Variants in SLC49A3 observed in about 807,000 individuals in gnomAD.
SLC49A3 encodes solute carrier family 49 member A3.
A neutral mutation model predicts 43.8 loss-of-function variants in SLC49A3; 50 were observed. That is an observed-to-expected ratio of 1.14 (90% confidence interval 0.91 to 1.45). The LOEUF is 1.45. Among genes scored for constraint, SLC49A3 ranks in the 40% most tolerant of loss-of-function variants. The pLI, the probability that SLC49A3 is intolerant of heterozygous loss-of-function variation, is 0.00. For synonymous variants in SLC49A3, 413 were observed against 352.0 expected, an observed-to-expected ratio of 1.17 and a Z score of -1.94; for missense variants, 906 against 774.1, an observed-to-expected ratio of 1.17 and a Z score of -2.02.
In SLC49A3 at chr4:682,277, T is replaced by A; in HGVS notation, c.1361A>T (p.Glu454Val). 7.4e-7 allele frequency: 1 copy of A among 1,353,152 alleles called. No individual in the cohort carries two copies. Among genetic ancestry groups the A allele is most frequent in the South Asian group, 2.0e-5 (1 of 49,324 alleles). The allele number at this position is 1,353,152 out of a possible 1,614,324, so 83.8% of individuals were successfully genotyped here. A position where few individuals can be genotyped will look rare whatever the true frequency, so the allele number is the denominator to read the frequency against. ...PYRRLQAESGEPPSTRNAVGG... is the reference protein window; with the variant it reads ...PYRRLQAESGVPPSTRNAVGG... Reference sequence around the variant, plus strand: ...CACGGCGTTACGGGTGGAGGGGGGCTCCCCAGACTCGGCCTGCAGGCGCCG... The same window carrying A: ...CACGGCGTTACGGGTGGAGGGGGGCACCCCAGACTCGGCCTGCAGGCGCCG... The change falls in exon 10 of 10, where the codon GAG becomes GTG. Residue 454 changes from glutamate (E) to valine (V), a missense_variant. By Grantham distance (121) the Glu-to-Val change is moderately radical. Transcript: ENST00000322224.
At position 689,019 on chromosome 4, in the gene SLC49A3, T is replaced by C; in HGVS notation, c.109A>G (p.Ser37Gly). 1 of 1,595,206 alleles carries C rather than the reference T, an allele frequency of 6.3e-7. No homozygotes were observed. Among genetic ancestry groups the C allele is most frequent in the Non-Finnish European group, 8.5e-7 (1 of 1,172,862 alleles). The change falls in exon 1 of 10, where the codon AGC (serine) becomes GGC (glycine). Residue 37 changes from serine (S) to glycine (G), a missense_variant. Coordinates refer to ENST00000322224, the MANE Select transcript of SLC49A3 (RefSeq NM_032219.4). ...ARRWVFLLAI[S>G]LLNCSNATLW... ...GTGGCGTTGGAGCAGTTGAGCAGGC[T>C]GATCGCGAGCAGGAACACCCAGCGG...
At chr4:680,772 ACCAGCG>A (rs1159360215), downstream of SLC49A3, 1 of 675,148 alleles carries the variant, frequency 1.5e-6, no homozygotes, top group Admixed American at 2.9e-5. Flanking sequence ...TCACACAGGG[ACCAGCG>A]CCTGTGCCCG....
At chr4:678,635 C>T (rs749472109), downstream of SLC49A3, 3 of 1,590,168 alleles carry the variant, frequency 1.9e-6, no homozygotes, top group Middle Eastern at 1.7e-4. Flanking sequence ...CCAGGACCCT[C>T]AGCCATGGTG....
At position 682,892 on chromosome 4, in the gene SLC49A3, T is replaced by C; in HGVS notation, c.1152-2A>G. On this transcript the variant is annotated splice_acceptor_variant, in intron 8 of 9. Transcript: ENST00000322224. LOFTEE classifies it high-confidence loss of function. The stretch of plus-strand genomic sequence containing the variant: ...ATGATGAGTATTCCCTCGGCCTGCC[T>C]GGACACACGTGGCCCTCAGCCCCCG... 6.3e-7 allele frequency: 1 copy of C among 1,582,676 alleles called. No homozygotes were observed. The highest frequency in any genetic ancestry group is 8.6e-7 in the Non-Finnish European group (1 of 1,160,926).
downstream of SLC49A3, chr4:680,965 A>G: frequency 9.2e-7 from 1 of 1,089,610 alleles, no homozygotes; most frequent in Non-Finnish European, 1.3e-6. Flanking sequence ...CCAGGGCCAC[A>G]CTCCAGCGGG....
At position 683,562 on chromosome 4, in the gene SLC49A3, C is replaced by T. The variant is rs760872289; in HGVS notation, c.993+47G>A. On this transcript the variant is annotated intron_variant, in intron 7 of 9. Coordinates refer to ENST00000322224, the MANE Select transcript of SLC49A3 (RefSeq NM_032219.4). ...GCCAACCGCCCTCTCCGGGCCTCAC[C>T]ACCCACCCACCCCCACAGGGCAGTC... 1.1e-5 allele frequency: 17 copies of T among 1,570,088 alleles called. No homozygotes were observed. In the Admixed American group the frequency reaches 2.5e-4, roughly 23 times the overall value.
At chr4:683,077 G>A (rs1229917289) in intron 8 of SLC49A3, 133 bp downstream of exon 8, 8 of 1,271,214 alleles carry the variant, frequency 6.3e-6, no homozygotes, top group African/African-American at 3.0e-5. Flanking sequence ...GAACCTGCTC[G>A]GCCCTTGCCA....
Position 682,073 on chromosome 4 carries a change from G to A in SLC49A3, c.1565C>T (p.Ala522Val). Residue 522 changes from alanine to valine, a missense_variant, in exon 10 of 10, where the codon GCA becomes GTA. Physicochemically the swap from Ala to Val is moderately conservative, Grantham distance 64. Coordinates refer to ENST00000322224, the MANE Select transcript of SLC49A3 (RefSeq NM_032219.4). Reference sequence around the variant, plus strand: ...GGGGCGGGAGGGCGCGTCGGTGGCTGCTGGGCCTTGCGCACGGGGAGTCGC... The same window carrying A: ...GGGGCGGGAGGGCGCGTCGGTGGCTACTGGGCCTTGCGCACGGGGAGTCGC... ...HRATPRAQGP[A>V]ATDAPSRPGR... The A allele has an allele frequency of 7.1e-7, 1 of 1,406,396 alleles. No homozygotes were observed. The highest frequency in any genetic ancestry group is 1.6e-5 in the South Asian group (1 of 62,470). 87.1% of individuals were successfully genotyped at this position (1,406,396 alleles called of 1,614,324 possible).
chr4:682,660 GGT>G, intron 9 of SLC49A3, 119 bp downstream of exon 9: 1 of 764,406 alleles, frequency 1.3e-6, no homozygotes, highest in East Asian at 3.0e-5. Flanking sequence ...CTCCCTGCGT[GGT>G]GCTCACCTGT....
At chr4:684,696 C>G in intron 5 of SLC49A3, 23 bp downstream of exon 5, 1 of 1,607,136 alleles carries the variant, frequency 6.2e-7, no homozygotes, top group Non-Finnish European at 8.5e-7. Flanking sequence ...TCCACCCTAC[C>G]CCGGGGATCC....
intron 2 of SLC49A3, 43 bp from the exon 3 acceptor site, chr4:686,345 C>T (rs757135396): frequency 1.9e-6 from 3 of 1,601,208 alleles, no homozygotes; most frequent in Non-Finnish European, 2.6e-6. Flanking sequence ...ACGCTGCCAC[C>T]AGCCCAAGTG....
intron 7 of SLC49A3, 65 bp downstream of exon 7, chr4:683,544 G>T (rs1022547824): frequency 6.5e-7 from 1 of 1,546,004 alleles, no homozygotes; most frequent in African/African-American, 1.4e-5. Flanking sequence ...GCCGCCAACC[G>T]CCCTCTCCGG....
At chr4:683,555 G>T (rs1457551422) in intron 7 of SLC49A3, 54 bp downstream of exon 7, 1 of 1,568,414 alleles carries the variant, frequency 6.4e-7, no homozygotes, top group East Asian at 2.2e-5. Flanking sequence ...CCCTCTCCGG[G>T]CCTCACCACC....
At chr4:683,477 G>A in intron 7 of SLC49A3, 110 bp from the exon 8 acceptor site, 2 of 1,499,560 alleles carry the variant, frequency 1.3e-6, no homozygotes, top group Non-Finnish European at 1.8e-6. Context: ...CCACCCCGGG[G>A]CCACCCTGGC....
downstream of SLC49A3, among the ~76,000 whole-genome samples, chr4:681,502 G>T (rs1739531788): frequency 8.0e-6 from 1 of 124,374 alleles, no homozygotes; most frequent in African/African-American, 3.1e-5. Flanking sequence ...CACCCCTCAG[G>T]ACCCCCGCAC....
rs562247746 is a variant in SLC49A3, at chr4:685,643, T to C, written c.585+192A>G. ...ATTGCTTAAACCCAGTAGGCGGAGG[T>C]TGCAGTGAGCCGAGATCGCGCCACT... is the stretch of plus-strand genomic sequence containing the variant. On this transcript the variant is annotated intron_variant, in intron 4 of 9. Coordinates refer to ENST00000322224, the MANE Select transcript of SLC49A3 (RefSeq NM_032219.4). This position sits in a 1 kb window ranked among gnomAD's most constrained non-coding sequence, Gnocchi z 4.3. Among the ~76,000 whole-genome samples the C allele has an allele frequency of 1.5e-4, 22 of 148,924 alleles. No individual in the cohort carries two copies. The South Asian group carries it at 4.5e-3, about 31-fold the overall frequency.
In SLC49A3 at chr4:684,793, T is replaced by C. The variant is rs1309926379; in HGVS notation, c.649A>G (p.Ser217Gly). ...GCAGAGGGCGGGGTGGGGGGCACACTCTCCCACAGGCAGATGGTGGACAGC... is the reference window on the plus strand; with the variant it reads ...GCAGAGGGCGGGGTGGGGGGCACACCCTCCCACAGGCAGATGGTGGACAGC... ...CLLSTICLWE[S>G]VPPTPPSAGA... is the part of the protein sequence containing the mutation. The change falls in exon 5 of 10, where the codon AGT becomes GGT. Residue 217 changes from serine to glycine, a missense_variant. By Grantham distance (56) the Ser-to-Gly change is moderately conservative. Transcript: ENST00000322224. The C allele has an allele frequency of 1.2e-6, 2 of 1,612,314 alleles. No homozygotes were observed. Among genetic ancestry groups the C allele is most frequent in the East Asian group, 4.5e-5 (2 of 44,876 alleles).
In SLC49A3 at chr4:686,311, AG is replaced by A; in HGVS notation, c.295-10del. The A allele has an allele frequency of 6.2e-7, 1 of 1,612,538 alleles. No individual in the cohort carries two copies. The highest frequency in any genetic ancestry group is 8.5e-7 in the Non-Finnish European group (1 of 1,179,798). On this transcript the variant is annotated splice_polypyrimidine_tract_variant and intron_variant, in intron 2 of 9. Coordinates refer to ENST00000322224, the MANE Select transcript of SLC49A3 (RefSeq NM_032219.4). Reference sequence around the variant, plus strand: ...CACGCACCCAGGATGGTCTGCGAGGAGGGGGTCGGGGACCGGGTCAGGAACG... The same window carrying A: ...CACGCACCCAGGATGGTCTGCGAGGAGGGGTCGGGGACCGGGTCAGGAACG...
chr4:680,653 A>C (rs543001242), downstream of SLC49A3: 202 of 1,520,364 alleles, frequency 1.3e-4, no homozygotes, highest in South Asian at 1.1e-3. Flanking sequence ...TCCTGTCCCA[A>C]AAGGGACAGT....
Sources: allele counts gnomAD v4.1 joint callset (sites outside exome capture counted in the v4.1 genomes callset), GRCh38; gene constraint gnomAD v4.1.1; non-coding constraint Gnocchi (gnomAD v3.1); transcripts MANE v1.5; gene names NCBI Gene and HGNC (gene_info 2026-07-23, HGNC 2026-07-21).